UHRF2: variants seen among roughly 807,000 people sequenced by gnomAD.
UHRF2 encodes the protein E3 ubiquitin-protein ligase UHRF2.
A neutral mutation model predicts 96.8 loss-of-function variants in UHRF2; 23 were observed. The ratio of observed to expected loss-of-function variants is 0.24; its 90% CI spans 0.17 to 0.34. The LOEUF is 0.34. Ranked by LOEUF, UHRF2 falls within the 10% of genes least tolerant of loss-of-function variation. The pLI is 1.00. For missense variants in UHRF2, 685 were observed against 981.5 expected (o/e 0.70, Z 4.04); for synonymous variants, 385 against 332.6 (o/e 1.16, Z -1.72).
intron 3 of UHRF2, among the ~76,000 whole-genome samples, chr9:6,441,678 A>G (rs1419187117): frequency 2.0e-5 from 3 of 151,918 alleles, no homozygotes; most frequent in East Asian, 3.8e-4. Flanking sequence ...GATATGCAAT[A>G]CCTGAAGAAT....
At chr9:6,439,812 C>G (rs1821058574) in intron 3 of UHRF2, among the ~76,000 whole-genome samples, 1 of 152,104 alleles carries the variant, frequency 6.6e-6, no homozygotes, top group African/African-American at 2.4e-5. Flanking sequence ...TACCCAAACC[C>G]TGGTTACTGG....
At chr9:6,496,915 C>T (rs1825008543) in intron 10 of UHRF2, 2 of 263,682 alleles carry the variant, frequency 7.6e-6, no homozygotes, top group South Asian at 3.2e-4. Context: ...CCATGTATTT[C>T]TAGTTGTTTT....
chr9:6,451,104 G>T (rs998297600), intron 3 of UHRF2, among the ~76,000 whole-genome samples: 1 of 152,098 alleles, frequency 6.6e-6, no homozygotes, highest in Non-Finnish European at 1.5e-5. Flanking sequence ...TCACTGATTT[G>T]CTTTATCCTA....
intron 6 of UHRF2, among the ~76,000 whole-genome samples, chr9:6,481,309 A>G (rs1823913834): frequency 6.6e-6 from 1 of 152,288 alleles, no homozygotes; most frequent in African/African-American, 2.4e-5. Context: ...AGATCTAGCT[A>G]CTTTTGTTTT....
At chr9:6,458,064 A>G (rs1587823074) in intron 3 of UHRF2, among the ~76,000 whole-genome samples, 1 of 152,142 alleles carries the variant, frequency 6.6e-6, no homozygotes, top group African/African-American at 2.4e-5. Flanking sequence ...GTTGTTTGGA[A>G]TAGTTTCAGA....
At chr9:6,461,834 T>TA (rs1254950932) in intron 4 of UHRF2, among the ~76,000 whole-genome samples, 2 of 152,208 alleles carry the variant, frequency 1.3e-5, no homozygotes, top group Middle Eastern at 6.3e-3. Flanking sequence ...ATTTCCTTTT[T>TA]AATAAATAAA....
At position 6,487,182 on chromosome 9, in the gene UHRF2, C is replaced by CTTTTTTTTTT. The variant is rs1171978950; in HGVS notation, c.1497+273_1497+282dup. Among the ~76,000 whole-genome samples, 52 of 69,596 alleles carry CTTTTTTTTTT rather than the reference C, an allele frequency of 7.5e-4. 2 individuals carry two copies. Among genetic ancestry groups the CTTTTTTTTTT allele is most frequent in the African/African-American group, 1.0e-3 (16 of 15,546 alleles). The allele number at this position is 69,596 out of a possible 152,430, so 45.7% of individuals were successfully genotyped here. A position where few individuals can be genotyped will look rare whatever the true frequency, so the allele number is the denominator to read the frequency against. ...TCTATAGAGCTTTTATTTTTTTTTC[C>CTTTTTTTTTT]TTTTTTTTTTTTTTTTTTTTTTTTT... On this transcript the variant is annotated intron_variant, in intron 9 of 15. Coordinates refer to ENST00000276893, the MANE Select transcript of UHRF2 (RefSeq NM_152896.3).
chr9:6,447,816 A>G (rs901985965), intron 3 of UHRF2, among the ~76,000 whole-genome samples: 5 of 152,226 alleles, frequency 3.3e-5, no homozygotes, highest in East Asian at 3.8e-4. Context: ...ACTGAAACCT[A>G]TGTACGAGAA....
rs201438339 is a variant in UHRF2 at position 6,477,822 on chromosome 9, G to A, written c.1160+14G>A. On this transcript the variant is annotated intron_variant, in intron 6 of 15. Coordinates refer to ENST00000276893, the MANE Select transcript of UHRF2 (RefSeq NM_152896.3). ...AGAGGAATACTGGTATGATTATCAG[G>A]TTTTTGTTGTTGTTGTTCTTGCTGT... 3 of 1,566,728 alleles carry A rather than the reference G, an allele frequency of 1.9e-6. No individual in the cohort carries two copies. The highest frequency in any genetic ancestry group is 2.6e-6 in the Non-Finnish European group (3 of 1,151,036).
chr9:6,417,020 A>G (rs1157148557), intron 1 of UHRF2, among the ~76,000 whole-genome samples: 1 of 152,152 alleles, frequency 6.6e-6, no homozygotes, highest in Non-Finnish European at 1.5e-5. Context: ...TTAAAGGAAT[A>G]TCTATGTATA....
intron 9 of UHRF2, among the ~76,000 whole-genome samples, chr9:6,487,335 C>T (rs1349760556): frequency 2.0e-5 from 3 of 151,534 alleles, no homozygotes; most frequent in Admixed American, 6.6e-5. Context: ...ATTTCAGGCG[C>T]CTGCCATCAC....
Position 6,413,430 on chromosome 9 carries a change from G to GGGCGC in UHRF2, c.-55_-51dup, listed in dbSNP as rs1432356614. 1.3e-5 allele frequency: 17 copies of GGGCGC among 1,316,800 alleles called. No individual in the cohort carries two copies. The African/African-American group carries it at 2.1e-4, about 16-fold the overall frequency. The allele number at this position is 1,316,800 out of a possible 1,614,324, so 81.6% of individuals were successfully genotyped here. On this transcript the variant is annotated 5_prime_UTR_variant, in exon 1 of 16. Coordinates refer to ENST00000276893, the MANE Select transcript of UHRF2 (RefSeq NM_152896.3). ...CAGGGAAAGCGGCGCGGGCCGGGCG[G>GGGCGC]GGCGCGGCGCCCAGAGCTCAGGGGG...
At chr9:6,413,741 A>T in intron 1 of UHRF2, 98 bp downstream of exon 1, 3 of 1,301,342 alleles carry the variant, frequency 2.3e-6, no homozygotes, top group South Asian at 2.0e-5. Flanking sequence ...CCGCGCGCGC[A>T]GGGCTCACCT....
At chr9:6,463,909 T>A (rs1822711136) in intron 4 of UHRF2, among the ~76,000 whole-genome samples, 1 of 152,148 alleles carries the variant, frequency 6.6e-6, no homozygotes, top group Non-Finnish European at 1.5e-5. Flanking sequence ...TGCCATCAGG[T>A]TCTTGTACCT....
At chr9:6,468,242 G>C (rs149965755) in intron 4 of UHRF2, 9 of 352,510 alleles carry the variant, frequency 2.6e-5, no homozygotes, top group African/African-American at 1.7e-4. Flanking sequence ...AGAGTGTCTT[G>C]ATAAGCCTTT....
chr9:6,499,829 C>CA lies in UHRF2; in HGVS notation c.1909-5dup, dbSNP rs372647241. ...CATTGTACTCTCCCTCCTCCCCCCC[C>CA]ATCAGTATCCAGCAGGTTACCCTTC... On this transcript the variant is annotated splice_region_variant and splice_polypyrimidine_tract_variant and intron_variant, in intron 12 of 15. Transcript: ENST00000276893. 855 of 1,591,598 alleles carry CA rather than the reference C, an allele frequency of 5.4e-4. 7 individuals carry two copies. The highest frequency in any genetic ancestry group is 4.0e-3 in the East Asian group (172 of 43,300).
intron 12 of UHRF2, 126 bp downstream of exon 12, chr9:6,498,284 G>T: frequency 9.6e-7 from 1 of 1,037,466 alleles, no homozygotes; most frequent in Non-Finnish European, 1.3e-6. Context: ...TGAGGAATAA[G>T]ATCATGCAAA....
In UHRF2 at chr9:6,421,136, A is replaced by G; in HGVS notation, c.378A>G (p.Ile126Met). The G allele has an allele frequency of 6.2e-7, 1 of 1,608,866 alleles. No individual in the cohort carries two copies. Among genetic ancestry groups the G allele is most frequent in the South Asian group, 1.1e-5 (1 of 90,896 alleles). Residue 126 changes from isoleucine (I) to methionine (M), a missense_variant, in exon 2 of 16, where the codon ATA becomes ATG. Ile to Met is a conservative substitution (Grantham distance 10). Around this residue, in one of 6 missense-constraint regions of UHRF2, gnomAD observed 391 missense variants for 437.0 expected, o/e 0.89. Transcript: ENST00000276893. Reference sequence around the variant, plus strand: ...GTCTTATTGATCCTGGCTTTGGAATATATAAGGTATGTTGTTTTCTTCAGA... The same window carrying G: ...GTCTTATTGATCCTGGCTTTGGAATGTATAAGGTATGTTGTTTTCTTCAGA... The part of the protein sequence containing the change: ...RARLIDPGFG[I>M]YKVNELVDAR...
intron 1 of UHRF2, among the ~76,000 whole-genome samples, chr9:6,416,097 T>G (rs887931914): frequency 2.0e-5 from 3 of 151,920 alleles, no homozygotes; most frequent in Non-Finnish European, 4.4e-5. Flanking sequence ...TAAGCCGGAG[T>G]CTTGCCCTGT....
Sources: allele counts gnomAD v4.1 joint callset (sites outside exome capture counted in the v4.1 genomes callset), GRCh38; gene constraint gnomAD v4.1.1; regional missense constraint gnomAD v4.1.1; transcripts MANE v1.5; gene names NCBI Gene and HGNC (gene_info 2026-07-23, HGNC 2026-07-21).